Variants in SAMD3 observed in about 807,000 individuals in gnomAD.
SAMD3 encodes the protein sterile alpha motif domain-containing protein 3.
Under a neutral mutation model 58.5 loss-of-function variants are expected in SAMD3, and 63 were observed. The ratio of observed to expected loss-of-function variants is 1.08; its 90% CI spans 0.88 to 1.33. SAMD3 has a LOEUF of 1.33. SAMD3 is among the 40% of genes most tolerant of loss of function. SAMD3 has a pLI of 0.00. For synonymous variants in SAMD3, 220 were observed against 210.3 expected (o/e 1.05, Z -0.40); for missense variants, 604 against 608.4 (o/e 0.99, Z 0.08).
intron 5 of SAMD3, 75 bp from the exon 6 acceptor site, chr6:130,184,698 G>T: frequency 7.9e-7 from 1 of 1,264,088 alleles, no homozygotes; most frequent in South Asian, 1.5e-5. Context: ...TACATCCTGA[G>T]AACTTATGAA....
intron 1 of SAMD3, among the ~76,000 whole-genome samples, chr6:130,340,347 C>G (rs1366177951): frequency 6.6e-6 from 1 of 152,146 alleles, no homozygotes; most frequent in Non-Finnish European, 1.5e-5. Context: ...GTCTTCAAAG[C>G]CACTAGTATA....
intron 8 of SAMD3, among the ~76,000 whole-genome samples, chr6:130,158,004 CA>C (rs1193741897): frequency 6.7e-6 from 1 of 149,582 alleles, no homozygotes; most frequent in African/African-American, 2.4e-5. Context: ...ATAAAACTAA[CA>C]AAAAATGTGG....
upstream of SAMD3, chr6:130,365,490 G>C (rs1260175256): frequency 2.0e-6 from 2 of 985,312 alleles, no homozygotes; most frequent in Non-Finnish European, 2.4e-6. Flanking sequence ...CCGGCCCGCC[G>C]GGCGGCATCT....
At chr6:130,211,276 A>ATTTTTTTTTTTTTTTT (rs762531402) in intron 4 of SAMD3, among the ~76,000 whole-genome samples, 1 of 93,840 alleles carries the variant, frequency 1.1e-5, no homozygotes, top group Non-Finnish European at 2.3e-5. Context: ...GCCAATCAGA[A>ATTTTTTTTTTTTTTTT]TTTTTTTTTT....
chr6:130,176,068 A>C, intron 7 of SAMD3, 60 bp from the exon 8 acceptor site: 2 of 1,306,722 alleles, frequency 1.5e-6, no homozygotes, highest in Non-Finnish European at 2.2e-6. Context: ...TATATAAACA[A>C]TACGTCTATA....
chr6:130,206,961 C>T (rs1795136872), intron 5 of SAMD3, among the ~76,000 whole-genome samples: 1 of 151,932 alleles, frequency 6.6e-6, no homozygotes, highest in Non-Finnish European at 1.5e-5. Flanking sequence ...AGAGCTTGGG[C>T]AACACAACTA....
chr6:130,213,817 T>C (rs1795786057), intron 4 of SAMD3, among the ~76,000 whole-genome samples: 1 of 152,200 alleles, frequency 6.6e-6, no homozygotes, highest in African/African-American at 2.4e-5. Context: ...TGTTCATTAC[T>C]ATAAGGACAC....
chr6:130,334,041 G>T (rs1413653800), intron 1 of SAMD3, among the ~76,000 whole-genome samples: 1 of 152,128 alleles, frequency 6.6e-6, no homozygotes, highest in Admixed American at 6.6e-5. Context: ...TCCTCCCTCT[G>T]TTGACCTCAA....
chr6:130,224,276 G>T (rs960895242), upstream of SAMD3, among the ~76,000 whole-genome samples: 3 of 152,248 alleles, frequency 2.0e-5, no homozygotes, highest in South Asian at 4.2e-4. Flanking sequence ...GAGGATGGGG[G>T]TGTGGCGGGC....
At chr6:130,327,099 T>C (rs1562524381) in intron 1 of SAMD3, among the ~76,000 whole-genome samples, 1 of 152,226 alleles carries the variant, frequency 6.6e-6, no homozygotes, top group Non-Finnish European at 1.5e-5. Flanking sequence ...TAAAATACTT[T>C]ACCTTCCTTT....
chr6:130,365,166 G>C, exon 1 of SAMD3: 1 of 985,182 alleles, frequency 1.0e-6, no homozygotes, highest in Non-Finnish European at 1.2e-6. Context: ...TGCCGAATTA[G>C]AGACGACATA....
chr6:130,335,758 C>T (rs1777079347), intron 1 of SAMD3, among the ~76,000 whole-genome samples: 1 of 152,050 alleles, frequency 6.6e-6, no homozygotes, highest in Admixed American at 6.6e-5. Context: ...AGACTTGGAA[C>T]CAACCCAAAT....
chr6:130,153,667 T>TATATATATATATATATATATATATATAG (rs1789446980), intron 9 of SAMD3, among the ~76,000 whole-genome samples: 1 of 65,830 alleles, frequency 1.5e-5, no homozygotes, highest in African/African-American at 5.0e-5. Context: ...TATATATATT[T>TATATATATATATATATATATATATATAG]ATTTATTTAT....
intron 1 of SAMD3, among the ~76,000 whole-genome samples, chr6:130,347,391 T>C (rs772595571): frequency 1.3e-5 from 2 of 152,146 alleles, no homozygotes; most frequent in South Asian, 4.1e-4. Context: ...AAGGACCTGA[T>C]GGAGCTGAAA....
At chr6:130,157,908 T>A (rs1336300084) in intron 8 of SAMD3, among the ~76,000 whole-genome samples, 1 of 150,618 alleles carries the variant, frequency 6.6e-6, no homozygotes, top group African/African-American at 2.4e-5. Flanking sequence ...TAACATACGC[T>A]AACATAGAAA....
At chr6:130,284,809 A>T (rs544011518) in intron 2 of SAMD3, among the ~76,000 whole-genome samples, 1 of 152,336 alleles carries the variant, frequency 6.6e-6, no homozygotes, top group East Asian at 1.9e-4. Context: ...GATTCAAGTC[A>T]CAAGGAAGTA....
Position 130,144,520 on chromosome 6 carries a change from TTAAG to T in SAMD3, c.1559_1562del (p.Thr520AsnfsTer19). ...TTCCAGTACAATATTTGGCATGCTATTAAGTGAGTGGGTGCTGAAATCCTACTTC... is the reference window on the plus strand; with the variant it reads ...TTCCAGTACAATATTTGGCATGCTATTGAGTGGGTGCTGAAATCCTACTTC... On this transcript the variant is annotated frameshift_variant and stop_lost, in exon 12 of 12. Coordinates refer to ENST00000439090, the MANE Select transcript of SAMD3 (RefSeq NM_001017373.4). LOFTEE classifies it high-confidence loss of function. 4 of 1,613,448 alleles carry T rather than the reference TTAAG, an allele frequency of 2.5e-6. No homozygotes were observed. The highest frequency in any genetic ancestry group is 2.5e-6 in the Non-Finnish European group (3 of 1,179,734).
At chr6:130,347,474 T>A (rs1170871368) in intron 1 of SAMD3, among the ~76,000 whole-genome samples, 1 of 152,040 alleles carries the variant, frequency 6.6e-6, no homozygotes, top group Non-Finnish European at 1.5e-5. Flanking sequence ...AGAAAGGGTG[T>A]CAGTGATGGA....
Position 130,215,251 on chromosome 6 carries a change from T to G in SAMD3, c.23A>C (p.Gln8Pro), listed in dbSNP as rs1380892661. ...TTTCTCCACCAACCAACTGCAGACC[T>G]GCTCAACTGACCAGGTTTCCATTGC... The part of the protein sequence containing the change: METWSVE[Q>P]VCSWLVEKNL... The change falls in exon 3 of 12, where the codon CAG becomes CCG. Residue 8 changes from glutamine (Q) to proline (P), a missense_variant. Coordinates refer to ENST00000439090, the MANE Select transcript of SAMD3 (RefSeq NM_001017373.4). The G allele has an allele frequency of 6.2e-7, 1 of 1,610,736 alleles. No homozygotes were observed. The highest frequency in any genetic ancestry group is 8.5e-7 in the Non-Finnish European group (1 of 1,177,772).
Sources: allele counts gnomAD v4.1 joint callset (sites outside exome capture counted in the v4.1 genomes callset), GRCh38; gene constraint gnomAD v4.1.1; transcripts MANE v1.5; gene names NCBI Gene and HGNC (gene_info 2026-07-23, HGNC 2026-07-21).